The following STRIP1 variants were observed in gnomAD, a reference collection of about 807,000 sequenced individuals.
The protein encoded by STRIP1 is striatin-interacting protein 1.
In STRIP1, 63 loss-of-function variants were observed where a neutral mutation model predicts 106.2. The ratio of observed to expected loss-of-function variants is 0.59; its 90% CI spans 0.48 to 0.73. The LOEUF (loss-of-function observed/expected upper bound fraction) is 0.73, where lower values mean the gene tolerates loss of function less well. Ranked by LOEUF, STRIP1 falls within the 30% of genes least tolerant of loss-of-function variation. STRIP1 has a pLI of 0.00. For synonymous variants in STRIP1, 390 were observed against 413.0 expected (o/e 0.94, Z 0.67); for missense variants, 857 against 1,074.8 (o/e 0.80, Z 2.83).
chr1:110,045,116 C>T (rs1652957641), intron 12 of STRIP1, 38 bp downstream of exon 12: 2 of 1,597,304 alleles, frequency 1.3e-6, no homozygotes, highest in South Asian at 1.1e-5. Flanking sequence ...TTGTTTGGTC[C>T]TAAGTGAGTA....
At chr1:110,033,076 T>G (rs377029886), upstream of STRIP1, among the ~76,000 whole-genome samples, 17 of 152,352 alleles carry the variant, frequency 1.1e-4, no homozygotes, top group African/African-American at 3.6e-4. Context: ...GGCTTTTGCA[T>G]TTAGCTGTTT....
intron 8 of STRIP1, chr1:110,042,727 G>T: frequency 5.4e-6 from 1 of 186,254 alleles, no homozygotes. Flanking sequence ...ATTTGACTTT[G>T]AAAGACTTGC....
In STRIP1 at chr1:110,054,495, A is replaced by G. The variant is rs1653448021; in HGVS notation, c.*583A>G. ...TGGACAGGGACAAGGTAGGAAGAGA[A>G]GCTTCCCTTAACCAGAGGGGCCATT... On this transcript the variant is annotated 3_prime_UTR_variant, in exon 21 of 21. Coordinates refer to ENST00000369795, the MANE Select transcript of STRIP1 (RefSeq NM_033088.4). The G allele has an allele frequency of 6.5e-6, 1 of 153,238 alleles. No homozygotes were observed. The highest frequency in any genetic ancestry group is 1.5e-5 in the Non-Finnish European group (1 of 68,520). The allele number at this position is 153,238 out of a possible 1,614,324, so 9.5% of individuals were successfully genotyped here. A position where few individuals can be genotyped will look rare whatever the true frequency, so the allele number is the denominator to read the frequency against.
intron 1 of STRIP1, among the ~76,000 whole-genome samples, chr1:110,036,948 C>G (rs1006431441): frequency 1.3e-5 from 2 of 151,982 alleles, no homozygotes; most frequent in Non-Finnish European, 2.9e-5. Context: ...CTTAGCCTCC[C>G]GAGTAGCTGG....
chr1:110,050,880 ATGTG>A (rs757704487), intron 18 of STRIP1, 72 bp from the exon 19 acceptor site: 30 of 846,474 alleles, frequency 3.5e-5, no homozygotes, highest in Non-Finnish European at 6.0e-5. Flanking sequence ...TCCTGAGATC[ATGTG>A]TGAGGGACTT....
At chr1:110,051,978 C>A in intron 20 of STRIP1, 91 bp downstream of exon 20, 1 of 1,318,998 alleles carries the variant, frequency 7.6e-7, no homozygotes, top group Non-Finnish European at 1.1e-6. Context: ...AGGTACTTCT[C>A]TGCCCTGAGC....
At chr1:110,046,121 A>C (rs1653008242) in intron 12 of STRIP1, among the ~76,000 whole-genome samples, 1 of 152,190 alleles carries the variant, frequency 6.6e-6, no homozygotes, top group Non-Finnish European at 1.5e-5. Context: ...GCTATCTGAA[A>C]GGCCATTTCC....
chr1:110,035,072 C>T (rs1652379212), intron 1 of STRIP1, among the ~76,000 whole-genome samples: 1 of 152,216 alleles, frequency 6.6e-6, no homozygotes, highest in Non-Finnish European at 1.5e-5. Context: ...TCCCCTGGGC[C>T]CCGACTGTGG....
At chr1:110,048,445 C>T (rs1653134800) in intron 15 of STRIP1, 2 of 158,592 alleles carry the variant, frequency 1.3e-5, no homozygotes, top group African/African-American at 4.8e-5. Flanking sequence ...TTCTGCCTGC[C>T]TGGGCCACCA....
intron 20 of STRIP1, among the ~76,000 whole-genome samples, chr1:110,052,764 C>A (rs375352705): frequency 6.6e-6 from 1 of 152,156 alleles, no homozygotes; most frequent in East Asian, 1.9e-4. Flanking sequence ...TCCACTGTGC[C>A]CAGCCTTCTC....
In STRIP1 at chr1:110,034,664, C is replaced by T. The variant is rs1652346996; in HGVS notation, c.27C>T (p.Gly9=). Reference sequence around the variant, plus strand: ...TGGAGCCGGCAGTCGGCGGTCCGGGCCCACTGATCGTGAACAACAAACAGC... The same window carrying T: ...TGGAGCCGGCAGTCGGCGGTCCGGGTCCACTGATCGTGAACAACAAACAGC... MEPAVGGP[G]PLIVNNKQPQ... is the part of the protein sequence containing the mutation. The change falls in exon 1 of 21, where the codon GGC becomes GGT. Residue 9 remains glycine (G), a synonymous_variant. Coordinates refer to ENST00000369795, the MANE Select transcript of STRIP1 (RefSeq NM_033088.4). 1.3e-6 allele frequency: 2 copies of T among 1,523,374 alleles called. No individual in the cohort carries two copies. Among genetic ancestry groups the T allele is most frequent in the Middle Eastern group, 1.8e-4 (1 of 5,470 alleles). 94.4% of individuals were successfully genotyped at this position (1,523,374 alleles called of 1,614,324 possible).
At chr1:110,035,133 G>C (rs1002405350) in intron 1 of STRIP1, among the ~76,000 whole-genome samples, 6 of 152,184 alleles carry the variant, frequency 3.9e-5, no homozygotes, top group Non-Finnish European at 5.9e-5. Flanking sequence ...GCCCCAGCTC[G>C]GGGGTGAGGA....
chr1:110,049,543 C>T lies in STRIP1; in HGVS notation c.1872C>T (p.Tyr624=). 3.1e-6 allele frequency: 5 copies of T among 1,610,012 alleles called. No individual in the cohort carries two copies. Among genetic ancestry groups the T allele is most frequent in the Non-Finnish European group, 3.4e-6 (4 of 1,177,580 alleles). The part of the protein sequence containing the change: ...LKFFNQNIMS[Y]ITAKNSISVL... The stretch of plus-strand genomic sequence containing the variant: ...TCTTCAATCAAAACATCATGTCCTA[C>T]ATCACTGCCAAGAACAGGTGATGAG... The change falls in exon 17 of 21, where the codon TAC becomes TAT. Residue 624 remains tyrosine (Y), a synonymous_variant. Transcript: ENST00000369795.
chr1:110,054,088 C>T lies in STRIP1; in HGVS notation c.*176C>T, dbSNP rs560494639. On this transcript the variant is annotated 3_prime_UTR_variant, in exon 21 of 21. Coordinates refer to ENST00000369795, the MANE Select transcript of STRIP1 (RefSeq NM_033088.4). ...AGCCCAGCTTGACCTCCCCTTGGTT[C>T]CCAGGGTCCTGCTCCGAAGCAGTCA... 163 of 675,368 alleles carry T rather than the reference C, an allele frequency of 2.4e-4. No individual in the cohort carries two copies. The highest frequency in any genetic ancestry group is 4.2e-4 in the Middle Eastern group (1 of 2,388). The allele number at this position is 675,368 out of a possible 1,614,324, so 41.8% of individuals were successfully genotyped here.
chr1:110,043,538 G>T, intron 9 of STRIP1, 101 bp from the exon 10 acceptor site: 1 of 1,086,642 alleles, frequency 9.2e-7, no homozygotes, highest in Non-Finnish European at 1.4e-6. Flanking sequence ...CACTGTTCTT[G>T]CCTCTACTGG....
intron 1 of STRIP1, among the ~76,000 whole-genome samples, chr1:110,035,686 T>C (rs1046531681): frequency 6.6e-6 from 1 of 152,132 alleles, no homozygotes; most frequent in African/African-American, 2.4e-5. Flanking sequence ...GCACTTACTA[T>C]GCCATCTCCT....
chr1:110,031,674 A>G (rs79558531), upstream of STRIP1: 2 of 149,098 alleles, frequency 1.3e-5, no homozygotes, highest in East Asian at 2.0e-4. Flanking sequence ...ATGGGGAAGG[A>G]AAAAAAAAAG....
Position 110,039,451 on chromosome 1 carries a change from A to T in STRIP1, c.517A>T (p.Ile173Phe). 2 of 1,613,520 alleles carry T rather than the reference A, an allele frequency of 1.2e-6. No individual in the cohort carries two copies. The highest frequency in any genetic ancestry group is 1.7e-6 in the Non-Finnish European group (2 of 1,179,816). The change falls in exon 5 of 21, where the codon ATC becomes TTC. Residue 173 changes from isoleucine to phenylalanine, a missense_variant. By Grantham distance (21) the Ile-to-Phe change is conservative (BLOSUM62 0). Transcript: ENST00000369795. Reference protein sequence around the residue: ...AEVQSWMRYNIFLLLEVGTFN... With the variant: ...AEVQSWMRYNFFLLLEVGTFN... The stretch of plus-strand genomic sequence containing the variant: ...GGTGCAGTCCTGGATGCGCTACAAC[A>T]TCTTTCTCCTCCTGGAGGTGGGCAC...
At chr1:110,039,373 T>C in intron 4 of STRIP1, 22 bp from the exon 5 acceptor site, 1 of 1,614,058 alleles carries the variant, frequency 6.2e-7, no homozygotes, top group Non-Finnish European at 8.5e-7. Context: ...AGGGGCTCAG[T>C]GAGTTGAACC....
Sources: gnomAD v4.1 joint callset for allele counts (sites outside exome capture counted in the v4.1 genomes callset) on GRCh38, gnomAD v4.1.1 for gene constraint, MANE v1.5 for transcripts, NCBI Gene and HGNC (gene_info 2026-07-23, HGNC 2026-07-21) for gene names.